Variants in GALNTL6 observed in about 807,000 individuals in gnomAD.
GALNTL6 encodes polypeptide N-acetylgalactosaminyltransferase-like 6.
A neutral mutation model predicts 73.7 loss-of-function variants in GALNTL6; 46 were observed. The observed-to-expected ratio is 0.62, with a 90% confidence interval of 0.49 to 0.80. The LOEUF is 0.80. Ranked by LOEUF, GALNTL6 falls within the 30% of genes least tolerant of loss-of-function variation. GALNTL6 has a pLI of 0.00. For synonymous variants in GALNTL6, 259 were observed against 263.7 expected (o/e 0.98, Z 0.17); for missense variants, 604 against 755.0 (o/e 0.80, Z 2.34).
chr4:172,317,341 G>A (rs1243467238), intron 4 of GALNTL6, among the ~76,000 whole-genome samples: 1 of 152,184 alleles, frequency 6.6e-6, no homozygotes, highest in African/African-American at 2.4e-5. Context: ...ATTTCCGTAA[G>A]CGGGGATGCA....
chr4:172,151,837 C>A (rs1734095065), intron 2 of GALNTL6, among the ~76,000 whole-genome samples: 1 of 151,784 alleles, frequency 6.6e-6, no homozygotes, highest in East Asian at 1.9e-4. Context: ...ACGGCTGTGA[C>A]ACTACCTCTT....
chr4:172,836,610 T>C (rs1019454141), intron 7 of GALNTL6, among the ~76,000 whole-genome samples: 1 of 152,244 alleles, frequency 6.6e-6, no homozygotes, highest in African/African-American at 2.4e-5. Context: ...AATATGCTTT[T>C]ACCTAATTGA....
At chr4:172,184,724 T>C (rs76750157) in intron 2 of GALNTL6, among the ~76,000 whole-genome samples, 8,613 of 152,166 alleles carry the variant, frequency 0.057, 286 homozygotes, top group South Asian at 0.11. Context: ...AACAGAGTGC[T>C]GTAGAGTGGA....
chr4:172,605,309 A>T (rs1364577697), intron 5 of GALNTL6, among the ~76,000 whole-genome samples: 1 of 152,156 alleles, frequency 6.6e-6, no homozygotes, highest in Non-Finnish European at 1.5e-5. Context: ...ACCCACATCA[A>T]TACCCAAAAA....
intron 10 of GALNTL6, among the ~76,000 whole-genome samples, chr4:172,966,779 G>C (rs573937827): frequency 2.0e-4 from 30 of 152,384 alleles, no homozygotes; most frequent in Non-Finnish European, 3.1e-4. Flanking sequence ...AACAGTTAAA[G>C]ATGAGAGCCA....
chr4:172,440,908 T>C (rs2111400749), intron 5 of GALNTL6, among the ~76,000 whole-genome samples: 1 of 152,276 alleles, frequency 6.6e-6, no homozygotes, highest in South Asian at 2.1e-4. Context: ...CTTTTACTGT[T>C]AGCTTATTAT....
intron 3 of GALNTL6, among the ~76,000 whole-genome samples, chr4:172,267,913 A>G (rs1738505036): frequency 6.6e-6 from 1 of 152,174 alleles, no homozygotes; most frequent in Admixed American, 6.5e-5. Context: ...AATAAAGAAT[A>G]CAGTAGAGCA....
intron 3 of GALNTL6, among the ~76,000 whole-genome samples, chr4:172,277,026 T>G (rs948203095): frequency 6.6e-6 from 1 of 152,114 alleles, no homozygotes; most frequent in Non-Finnish European, 1.5e-5. Flanking sequence ...ATACTTGGAT[T>G]TTTTCTTTCT....
intron 5 of GALNTL6, among the ~76,000 whole-genome samples, chr4:172,382,790 G>A (rs1743331014): frequency 6.6e-6 from 1 of 151,828 alleles, no homozygotes. Context: ...GAAATAGGGG[G>A]TCCAAATAAA....
intron 5 of GALNTL6, among the ~76,000 whole-genome samples, chr4:172,676,798 A>G (rs1222488357): frequency 6.6e-6 from 1 of 152,236 alleles, no homozygotes; most frequent in Admixed American, 6.5e-5. Context: ...CAACTGCTTA[A>G]GTTCAGTCAT....
intron 5 of GALNTL6, among the ~76,000 whole-genome samples, chr4:172,754,591 A>C (rs1737633238): frequency 6.6e-6 from 1 of 152,196 alleles, no homozygotes; most frequent in South Asian, 2.1e-4. Context: ...ATTAAAAAAA[A>C]CAGATTTTGA....
chr4:172,611,467 T>C lies in GALNTL6; in HGVS notation c.554-197894T>C, dbSNP rs536593168. Among the ~76,000 whole-genome samples the C allele has an allele frequency of 4.6e-5, 7 of 152,244 alleles. No individual in the cohort carries two copies. In the East Asian group the frequency reaches 7.7e-4, roughly 17 times the overall value. On this transcript the variant is annotated intron_variant, in intron 5 of 12. Transcript: ENST00000506823. ...CTGGATATGAAATTCTTGGTTTCAG[T>C]TTCTTCTCTTTAAGAATGCTGAATA...
rs1734433798 is a variant in GALNTL6 at position 171,813,491 on chromosome 4, C to T, written c.-669C>T. 1 of 152,414 alleles carries T rather than the reference C, an allele frequency of 6.6e-6. No homozygotes were observed. 9.4% of individuals were successfully genotyped at this position (152,414 alleles called of 1,614,324 possible). On this transcript the variant is annotated 5_prime_UTR_variant, in exon 1 of 13. Transcript: ENST00000506823. The surrounding 1 kb of genome is among the most constrained non-coding windows in gnomAD (Gnocchi z 5.2). ...TGCAGCCGCGGCGCATCTCCGCCTT[C>T]CGCTCCTCCTCGCAGCGCCCTCGTC...
intron 5 of GALNTL6, among the ~76,000 whole-genome samples, chr4:172,401,187 TACAC>T (rs1744022674): frequency 6.6e-6 from 1 of 152,052 alleles, no homozygotes; most frequent in South Asian, 2.1e-4. Context: ...ATATGAAACA[TACAC>T]ACACATGCAC....
rs1735109269 is a variant in GALNTL6, at chr4:171,836,945, G to A, written c.138+22227G>A. On this transcript the variant is annotated intron_variant, in intron 2 of 12. Coordinates refer to ENST00000506823, the MANE Select transcript of GALNTL6 (RefSeq NM_001034845.3). ...ATTGGAGAAATCAATGTGCATTCAT[G>A]TTTTGTAATACAAATATAAACACAA... Among the ~76,000 whole-genome samples, 4 of 152,112 alleles carry A rather than the reference G, an allele frequency of 2.6e-5. No homozygotes were observed. The South Asian group carries it at 6.2e-4, about 24-fold the overall frequency.
intron 8 of GALNTL6, among the ~76,000 whole-genome samples, chr4:172,905,391 T>A (rs891421261): frequency 1.3e-5 from 2 of 152,132 alleles, no homozygotes; most frequent in African/African-American, 2.4e-5. Context: ...ACCTGAAAAA[T>A]CTTGTTATGA....
chr4:172,429,267 A>C (rs10001642), intron 5 of GALNTL6, among the ~76,000 whole-genome samples: 130,705 of 150,744 alleles, frequency 0.87, 56,724 homozygotes, highest in South Asian at 0.89. Flanking sequence ...GCTGGTGTGC[A>C]GTGGCGTGAT....
chr4:172,841,235 GATAATA>G (rs1313618341), intron 7 of GALNTL6, among the ~76,000 whole-genome samples: 1 of 152,210 alleles, frequency 6.6e-6, no homozygotes, highest in Non-Finnish European at 1.5e-5. Context: ...TAATGGTAAT[GATAATA>G]ATAATAGAAT....
intron 2 of GALNTL6, among the ~76,000 whole-genome samples, chr4:172,105,195 T>A (rs573641825): frequency 1.1e-4 from 17 of 152,130 alleles, no homozygotes; most frequent in Non-Finnish European, 1.9e-4. Flanking sequence ...AATAAAAATA[T>A]GATCTTTAAA....
Sources: gnomAD v4.1 joint callset for allele counts (sites outside exome capture counted in the v4.1 genomes callset) on GRCh38, gnomAD v4.1.1 for gene constraint, Gnocchi (gnomAD v3.1) non-coding constraint, MANE v1.5 for transcripts, NCBI Gene and HGNC (gene_info 2026-07-23, HGNC 2026-07-21) for gene names.